The following TFDP2 variants were observed in gnomAD, a reference collection of about 807,000 sequenced individuals.
TFDP2 encodes the protein transcription factor Dp-2 (E2F dimerization partner 2).
TFDP2 carries 17 observed loss-of-function variants against 59.3 expected under a neutral mutation model. The ratio of observed to expected loss-of-function variants is 0.29; its 90% confidence interval spans 0.20 to 0.43. TFDP2 has a LOEUF of 0.43. Ranked by LOEUF, TFDP2 falls within the 20% of genes least tolerant of loss-of-function variation. The pLI is 1.00. For synonymous variants in TFDP2, 180 were observed against 194.7 expected (o/e 0.92, Z 0.63); for missense variants, 391 against 528.8 (o/e 0.74, Z 2.56).
intron 3 of TFDP2, among the ~76,000 whole-genome samples, chr3:142,035,907 T>C (rs893924895): frequency 1.3e-5 from 2 of 152,242 alleles, no homozygotes; most frequent in African/African-American, 4.8e-5. Context: ...TAAATTGCCA[T>C]GTCTCAGGTA....
intron 1 of TFDP2, among the ~76,000 whole-genome samples, chr3:142,140,392 C>T (rs1359067162): frequency 6.6e-6 from 1 of 152,198 alleles, no homozygotes; most frequent in Non-Finnish European, 1.5e-5. Context: ...CTCCGTCCAG[C>T]TTTATGCCGT....
At chr3:142,016,617 T>C (rs939728340) in intron 3 of TFDP2, among the ~76,000 whole-genome samples, 7 of 152,182 alleles carry the variant, frequency 4.6e-5, no homozygotes, top group African/African-American at 1.7e-4. Flanking sequence ...TAAGTTTTAG[T>C]AAATGTTTGT....
At chr3:141,975,693 C>CAAA (rs537962821) in intron 7 of TFDP2, among the ~76,000 whole-genome samples, 16 of 96,036 alleles carry the variant, frequency 1.7e-4, no homozygotes, top group African/African-American at 6.1e-4. Context: ...GACTCTGTCT[C>CAAA]AAAAAAAAAA....
At chr3:142,018,882 T>TA (rs1945352024) in intron 3 of TFDP2, among the ~76,000 whole-genome samples, 1 of 151,678 alleles carries the variant, frequency 6.6e-6, no homozygotes, top group Admixed American at 6.6e-5. Flanking sequence ...AAAAGTTATG[T>TA]AAATGTTCCT....
At chr3:141,955,045 C>T (rs1005280001) in intron 11 of TFDP2, among the ~76,000 whole-genome samples, 1 of 114,976 alleles carries the variant, frequency 8.7e-6, no homozygotes, top group East Asian at 2.8e-4. Flanking sequence ...CAAGTCTGTA[C>T]AAGAAAATAA....
intron 6 of TFDP2, among the ~76,000 whole-genome samples, chr3:141,981,285 T>A (rs1311529711): frequency 6.6e-6 from 1 of 152,222 alleles, no homozygotes; most frequent in South Asian, 2.1e-4. Flanking sequence ...CAATAGGCTA[T>A]ACCAAGTACC....
intron 3 of TFDP2, among the ~76,000 whole-genome samples, chr3:142,043,024 G>A (rs989237934): frequency 1.3e-5 from 2 of 150,876 alleles, no homozygotes; most frequent in African/African-American, 4.9e-5. Context: ...TTACAGGCGT[G>A]AGCCACCGTG....
At chr3:141,959,016 G>A (rs1250052623) in intron 11 of TFDP2, among the ~76,000 whole-genome samples, 4 of 143,830 alleles carry the variant, frequency 2.8e-5, no homozygotes, top group South Asian at 2.2e-4. Context: ...GTGCAATGGC[G>A]ATCTCAGCTC....
Position 142,121,349 on chromosome 3 carries a change from T to C in TFDP2, c.-92-19508A>G, listed in dbSNP as rs7427429. On this transcript the variant is annotated intron_variant, in intron 1 of 12. Transcript: ENST00000489671. This position sits in a 1 kb window ranked among gnomAD's most constrained non-coding sequence, Gnocchi z 4.3. ...CAAGACAAATGCATACAGTATAACA[T>C]GCTAAAATACTACGACACTAGACAG... Among the ~76,000 whole-genome samples, 1,823 of 152,148 alleles carry C rather than the reference T, an allele frequency of 0.012. 78 individuals carry two copies. Among genetic ancestry groups the C allele is most frequent in the Admixed American group, 0.09 (1,376 of 15,256 alleles).
chr3:142,142,984 C>A (rs767540577), intron 1 of TFDP2, among the ~76,000 whole-genome samples: 1 of 152,338 alleles, frequency 6.6e-6, no homozygotes, highest in Non-Finnish European at 1.5e-5. Context: ...GCCTGTAATC[C>A]CAGCACTTTG....
intron 1 of TFDP2, among the ~76,000 whole-genome samples, chr3:142,146,216 G>A (rs1048524458): frequency 1.3e-5 from 2 of 152,058 alleles, no homozygotes; most frequent in African/African-American, 4.8e-5. Context: ...ATAGATACAT[G>A]TAAAGTCCTA....
At chr3:142,002,326 T>TG (rs1202042932) in intron 4 of TFDP2, among the ~76,000 whole-genome samples, 1 of 148,072 alleles carries the variant, frequency 6.8e-6, no homozygotes, top group Non-Finnish European at 1.5e-5. Flanking sequence ...TGTTTTTTTT[T>TG]TTTTTTTTTT....
chr3:141,985,426 A>G (rs1427903523), intron 6 of TFDP2, among the ~76,000 whole-genome samples: 1 of 147,446 alleles, frequency 6.8e-6, no homozygotes, highest in African/African-American at 2.5e-5. Context: ...AGGCTGAGGC[A>G]GGAGGATTGC....
chr3:142,082,420 A>C (rs551362072), intron 3 of TFDP2, among the ~76,000 whole-genome samples: 1 of 152,332 alleles, frequency 6.6e-6, no homozygotes, highest in South Asian at 2.1e-4. Flanking sequence ...CCCTCACCCC[A>C]GTCCATGGAA....
intron 6 of TFDP2, among the ~76,000 whole-genome samples, chr3:141,987,499 T>C (rs13081307): frequency 6.6e-6 from 1 of 150,768 alleles, no homozygotes; most frequent in African/African-American, 2.4e-5. Context: ...CCCAGGCTGG[T>C]GTCGAACTCC....
intron 3 of TFDP2, among the ~76,000 whole-genome samples, chr3:142,040,889 G>A (rs184691959): frequency 6.2e-4 from 94 of 152,134 alleles, no homozygotes; most frequent in African/African-American, 2.2e-3. Context: ...GGATGACAGA[G>A]CAAGACCTTT....
intron 1 of TFDP2, among the ~76,000 whole-genome samples, chr3:142,102,614 G>A (rs369609268): frequency 2.0e-4 from 30 of 152,224 alleles, no homozygotes; most frequent in African/African-American, 4.8e-4. Context: ...TTTCCATAGC[G>A]TTGAAATATC....
rs1935587182 is a variant in TFDP2, at chr3:141,948,955, A to C, written c.*3558T>G. The C allele has an allele frequency of 6.6e-6, 1 of 152,018 alleles. No individual in the cohort carries two copies. Among genetic ancestry groups the C allele is most frequent in the Admixed American group, 6.6e-5 (1 of 15,214 alleles). The allele number at this position is 152,018 out of a possible 1,614,324, so 9.4% of individuals were successfully genotyped here. ...CCGTCTCTACTAAAAATACAAAAAA[A>C]ATTAGCCAGGCATGGTCCCAGCTGA... On this transcript the variant is annotated 3_prime_UTR_variant, in exon 13 of 13. Transcript: ENST00000489671.
intron 1 of TFDP2, among the ~76,000 whole-genome samples, chr3:142,136,350 A>T (rs532233509): frequency 2.0e-5 from 3 of 151,120 alleles, no homozygotes; most frequent in African/African-American, 7.4e-5. Flanking sequence ...ATGAAAAAAA[A>T]TTTTCTCCCA....
Sources: allele counts gnomAD v4.1 joint callset (sites outside exome capture counted in the v4.1 genomes callset), GRCh38; gene constraint gnomAD v4.1.1; non-coding constraint Gnocchi (gnomAD v3.1); transcripts MANE v1.5; gene names NCBI Gene and HGNC (gene_info 2026-07-23, HGNC 2026-07-21).